The following CTNND2 variants were observed in gnomAD, a reference collection of about 807,000 sequenced individuals.
The protein encoded by CTNND2 is catenin delta-2.
A neutral mutation model predicts 144.4 loss-of-function variants in CTNND2; 22 were observed. The observed-to-expected ratio is 0.15, with a 90% CI of 0.11 to 0.22. The LOEUF (loss-of-function observed/expected upper bound fraction) is 0.22. CTNND2 is among the 10% of genes least tolerant of loss of function. The pLI is 1.00. For missense variants in CTNND2, 1,353 were observed against 1,618.8 expected (o/e 0.84, Z 2.82); for synonymous variants, 751 against 695.6 (o/e 1.08, Z -1.25).
rs376439100 is a variant in CTNND2 at position 11,246,643 on chromosome 5, C to T, written c.1629-9820G>A. On this transcript the variant is annotated intron_variant, in intron 9 of 21. Coordinates refer to ENST00000304623, the MANE Select transcript of CTNND2 (RefSeq NM_001332.4). ...TGGTGGTGCTTTGCTATGGCCACCA[C>T]CAGGAAACTCATACAAGTTGGATGG... 7.1e-5 allele frequency among the ~76,000 whole-genome samples: 10 copies of T among 140,116 alleles called. No individual in the cohort carries two copies. In the East Asian group the frequency reaches 2.1e-3, roughly 30 times the overall value. 91.9% of individuals were successfully genotyped at this position (140,116 alleles called of 152,430 possible). A position where few individuals can be genotyped will look rare whatever the true frequency, so the allele number is the denominator to read the frequency against.
intron 1 of CTNND2, among the ~76,000 whole-genome samples, chr5:11,757,370 C>T (rs1789010450): frequency 6.6e-6 from 1 of 151,758 alleles, no homozygotes; most frequent in Admixed American, 6.6e-5. Context: ...TCTACAAATA[C>T]TTTTTTCATT....
intron 12 of CTNND2, among the ~76,000 whole-genome samples, chr5:11,149,952 T>TA (rs1757592957): frequency 6.6e-6 from 1 of 152,188 alleles, no homozygotes; most frequent in African/African-American, 2.4e-5. Context: ...AACAAGAACT[T>TA]ACAAGACTTA....
chr5:11,586,117 G>A (rs76106645), intron 2 of CTNND2, among the ~76,000 whole-genome samples: 103 of 152,166 alleles, frequency 6.8e-4, no homozygotes, highest in African/African-American at 2.2e-3. Context: ...CCTGCTATTC[G>A]AAAATAATCT....
chr5:11,570,249 T>C (rs530511121), intron 2 of CTNND2, among the ~76,000 whole-genome samples: 84 of 152,306 alleles, frequency 5.5e-4, no homozygotes, highest in Non-Finnish European at 8.7e-4. Flanking sequence ...CCTGGCTGCC[T>C]TCTTTGCACA....
In CTNND2 at chr5:11,384,843, C is replaced by T. The variant is rs148241724; in HGVS notation, c.999G>A (p.Ser333=). ...SAGLSPIRVT[S]PPTVQSTISS... is the part of the protein sequence containing the mutation. The stretch of plus-strand genomic sequence containing the variant: ...AGATGGTGGACTGCACGGTGGGGGG[C>T]GAGGTCACGCGGATCGGGGACAGGC... The change falls in exon 7 of 22, where the codon TCG becomes TCA. Residue 333 remains serine (S), a synonymous_variant. Coordinates refer to ENST00000304623, the MANE Select transcript of CTNND2 (RefSeq NM_001332.4). The surrounding 1 kb of genome is among the most constrained non-coding windows in gnomAD (Gnocchi z 5.2). 8.9e-5 allele frequency: 144 copies of T among 1,612,628 alleles called. No individual in the cohort carries two copies. Among genetic ancestry groups the T allele is most frequent in the Non-Finnish European group, 1.1e-4 (135 of 1,179,604 alleles).
intron 2 of CTNND2, among the ~76,000 whole-genome samples, chr5:11,658,432 C>T (rs1051947018): frequency 6.6e-5 from 10 of 152,196 alleles, no homozygotes; most frequent in Non-Finnish European, 1.5e-4. Context: ...GACAGTGGTG[C>T]ATTCTGAATC....
At chr5:11,611,396 G>A (rs1193904157) in intron 2 of CTNND2, among the ~76,000 whole-genome samples, 1 of 152,172 alleles carries the variant, frequency 6.6e-6, no homozygotes, top group African/African-American at 2.4e-5. Flanking sequence ...TTCAAAGCTT[G>A]CTTTAAGCAA....
chr5:11,461,451 G>T (rs1766211137), intron 3 of CTNND2, among the ~76,000 whole-genome samples: 1 of 152,122 alleles, frequency 6.6e-6, no homozygotes, highest in Non-Finnish European at 1.5e-5. Context: ...CTGGGAAATT[G>T]CTTGTGAACT....
chr5:11,337,495 T>C (rs1753841314), intron 9 of CTNND2, among the ~76,000 whole-genome samples: 1 of 152,220 alleles, frequency 6.6e-6, no homozygotes, highest in Admixed American at 6.5e-5. Flanking sequence ...AAGGAACAAT[T>C]CCACCTGCAA....
intron 3 of CTNND2, among the ~76,000 whole-genome samples, chr5:11,509,471 A>C (rs1771421213): frequency 6.6e-6 from 1 of 152,206 alleles, no homozygotes; most frequent in Non-Finnish European, 1.5e-5. Flanking sequence ...AGGGCAAAAA[A>C]GGCAAAAAAA....
intron 18 of CTNND2, among the ~76,000 whole-genome samples, chr5:11,006,750 C>G (rs1250430090): frequency 6.6e-6 from 1 of 151,972 alleles, no homozygotes; most frequent in Non-Finnish European, 1.5e-5. Flanking sequence ...ATTGTGAAGG[C>G]TGGACCATGG....
Position 11,847,198 on chromosome 5 carries a change from A to T in CTNND2, c.37+56619T>A. On this transcript the variant is annotated intron_variant, in intron 1 of 21. Transcript: ENST00000304623. ...TATGCACACCCATGTTTACTACAGC[A>T]GTATTCACAATAGCCAAGATATAGA... 1.4e-5 allele frequency among the ~76,000 whole-genome samples: 2 copies of T among 140,120 alleles called. 1 individual carries two copies. The highest frequency in any genetic ancestry group is 3.1e-5 in the Non-Finnish European group (2 of 65,274). The allele number at this position is 140,120 out of a possible 152,430, so 91.9% of individuals were successfully genotyped here. A position where few individuals can be genotyped will look rare whatever the true frequency, so the allele number is the denominator to read the frequency against.
intron 18 of CTNND2, among the ~76,000 whole-genome samples, chr5:11,011,753 G>A (rs987550034): frequency 2.0e-5 from 3 of 152,124 alleles, no homozygotes; most frequent in African/African-American, 4.8e-5. Flanking sequence ...GCAAGGGCAC[G>A]GAAGCATGCA....
chr5:11,842,213 G>A (rs1203331718), intron 1 of CTNND2, among the ~76,000 whole-genome samples: 3 of 152,094 alleles, frequency 2.0e-5, no homozygotes, highest in African/African-American at 7.2e-5. Flanking sequence ...AATAGTGTCA[G>A]GATGTAGGGA....
At chr5:11,591,321 T>C (rs1223588838) in intron 2 of CTNND2, among the ~76,000 whole-genome samples, 1 of 152,166 alleles carries the variant, frequency 6.6e-6, no homozygotes, top group South Asian at 2.1e-4. Flanking sequence ...AACTGCAGAA[T>C]AGAATTAAAA....
At chr5:11,390,382 G>A (rs1759527490) in intron 6 of CTNND2, among the ~76,000 whole-genome samples, 1 of 152,154 alleles carries the variant, frequency 6.6e-6, no homozygotes, top group African/African-American at 2.4e-5. Context: ...GGAGTCATAA[G>A]GGGACAATTC....
chr5:11,867,582 A>G (rs1795831368), intron 1 of CTNND2, among the ~76,000 whole-genome samples: 1 of 152,174 alleles, frequency 6.6e-6, no homozygotes, highest in African/African-American at 2.4e-5. Context: ...ATTAGACCAG[A>G]AAGTAACTCA....
intron 9 of CTNND2, among the ~76,000 whole-genome samples, chr5:11,329,988 T>A (rs1752918571): frequency 6.6e-6 from 1 of 152,144 alleles, no homozygotes; most frequent in Non-Finnish European, 1.5e-5. Flanking sequence ...AGTCTGTAAG[T>A]GATTACTGCA....
At chr5:11,393,798 C>T (rs780671135) in intron 6 of CTNND2, among the ~76,000 whole-genome samples, 6 of 152,140 alleles carry the variant, frequency 3.9e-5, no homozygotes, top group Non-Finnish European at 7.4e-5. Flanking sequence ...TATAGGATAT[C>T]ACTTATTATA....
Sources: allele counts gnomAD v4.1 joint callset (sites outside exome capture counted in the v4.1 genomes callset), GRCh38; gene constraint gnomAD v4.1.1; non-coding constraint Gnocchi (gnomAD v3.1); transcripts MANE v1.5; gene names NCBI Gene and HGNC (gene_info 2026-07-23, HGNC 2026-07-21).